The following AFDN variants were observed in gnomAD, a reference collection of about 807,000 sequenced individuals.
AFDN encodes the protein afadin.
Under a neutral mutation model 216.6 loss-of-function variants are expected in AFDN, and 68 were observed. The ratio of observed to expected loss-of-function variants is 0.31; its 90% CI spans 0.26 to 0.38. AFDN has a LOEUF of 0.38. AFDN is among the 10% of genes least tolerant of loss of function. The probability of loss-of-function intolerance (pLI) is 1.00; values close to 1 mark genes in which losing one functional copy is unlikely to be tolerated. For missense variants in AFDN, 2,136 were observed against 2,342.0 expected (o/e 0.91, Z 1.82); for synonymous variants, 868 against 853.7 (o/e 1.02, Z -0.29).
intron 1 of AFDN, among the ~76,000 whole-genome samples, chr6:167,840,430 A>G (rs992833638): frequency 6.6e-6 from 1 of 152,206 alleles, no homozygotes; most frequent in Non-Finnish European, 1.5e-5. Context: ...TCTGAGCAGA[A>G]GCTTGAAGTC....
intron 1 of AFDN, among the ~76,000 whole-genome samples, chr6:167,848,152 T>C (rs2128162467): frequency 6.6e-6 from 1 of 152,314 alleles, no homozygotes; most frequent in South Asian, 2.1e-4. Context: ...GGCAAGCTTT[T>C]TGAATACCTT....
intron 15 of AFDN, 111 bp from the exon 16 acceptor site, chr6:167,913,292 C>A (rs1790639243): frequency 3.9e-6 from 4 of 1,017,960 alleles, no homozygotes; most frequent in Admixed American, 4.1e-5. Context: ...AAATGTCGTA[C>A]CTTCATGTCG....
At chr6:167,881,794 G>A (rs1786147755) in intron 6 of AFDN, among the ~76,000 whole-genome samples, 1 of 152,170 alleles carries the variant, frequency 6.6e-6, no homozygotes, top group Non-Finnish European at 1.5e-5. Flanking sequence ...AGGATGAAGT[G>A]AAAGACTGTA....
At chr6:167,853,325 T>A (rs1583163442) in intron 1 of AFDN, among the ~76,000 whole-genome samples, 1 of 152,108 alleles carries the variant, frequency 6.6e-6, no homozygotes, top group African/African-American at 2.4e-5. Context: ...ATTGCCAGTA[T>A]TATTACTAAC....
At chr6:167,923,240 A>G in intron 22 of AFDN, 1 of 223,584 alleles carries the variant, frequency 4.5e-6, no homozygotes, top group Non-Finnish European at 8.6e-6. Context: ...ATTTTAAAAC[A>G]TATTAATATG....
chr6:167,916,954 G>C, intron 19 of AFDN, 135 bp from the exon 20 acceptor site: 1 of 751,640 alleles, frequency 1.3e-6, no homozygotes, highest in Non-Finnish European at 2.1e-6. Flanking sequence ...GTAAATGGAA[G>C]TCTGTTTCCT....
rs1301232048 is a variant in AFDN at position 167,856,935 on chromosome 6, CAT to C, written c.106-7613_106-7612del. On this transcript the variant is annotated intron_variant, in intron 1 of 33. Transcript: ENST00000683244. ...ATAAAATTGTATAGTTTTGTTGTCA[CAT>C]ATGATGGCATATATTTATATATCTT... Among the ~76,000 whole-genome samples the C allele has an allele frequency of 4.6e-5, 7 of 152,156 alleles. No individual in the cohort carries two copies. In the East Asian group the frequency reaches 1.4e-3, roughly 29 times the overall value.
chr6:167,907,249 A>G lies in AFDN; in HGVS notation c.1729A>G (p.Arg577Gly). ...AERGMVKPMI[R>G]VEQQPDYRRQ... Reference sequence around the variant, plus strand: ...GCGGGGAATGGTGAAGCCGATGATCAGAGTAGAACAGCAGCCAGATTATCG... The same window carrying G: ...GCGGGGAATGGTGAAGCCGATGATCGGAGTAGAACAGCAGCCAGATTATCG... Residue 577 changes from arginine to glycine, a missense_variant, in exon 13 of 34, where the codon AGA becomes GGA. This residue lies in a region of AFDN where 817 missense variants were observed against 965.7 expected (regional missense o/e 0.85). Coordinates refer to ENST00000683244, the MANE Select transcript of AFDN (RefSeq NM_001386888.1). The G allele has an allele frequency of 1.2e-6, 2 of 1,614,176 alleles. No homozygotes were observed. Among genetic ancestry groups the G allele is most frequent in the Non-Finnish European group, 1.7e-6 (2 of 1,179,986 alleles).
chr6:167,873,194 G>A (rs886281881), intron 4 of AFDN, among the ~76,000 whole-genome samples: 15 of 152,270 alleles, frequency 9.9e-5, no homozygotes, highest in African/African-American at 2.9e-4. Context: ...AAAGGGTGAA[G>A]AACGTAAAGA....
chr6:167,828,475 GAC>G (rs889717921), intron 1 of AFDN, among the ~76,000 whole-genome samples: 19 of 152,190 alleles, frequency 1.2e-4, no homozygotes, highest in African/African-American at 4.3e-4. Context: ...GTTGAATACT[GAC>G]ACACGCCATT....
At chr6:167,957,709 C>CT (rs1796660714) in intron 30 of AFDN, among the ~76,000 whole-genome samples, 1 of 152,204 alleles carries the variant, frequency 6.6e-6, no homozygotes. Context: ...GAACCTGTCT[C>CT]TAACTTGAGT....
chr6:167,871,018 A>C (rs1784727603), intron 3 of AFDN, among the ~76,000 whole-genome samples: 1 of 152,190 alleles, frequency 6.6e-6, no homozygotes, highest in Admixed American at 6.5e-5. Flanking sequence ...GTGCTAAATC[A>C]AGTGGCATCT....
At position 167,961,267 on chromosome 6, in the gene AFDN, AC is replaced by A. The variant is rs376783615; in HGVS notation, c.4834-1165del. Among the ~76,000 whole-genome samples, 21 of 152,376 alleles carry A rather than the reference AC, an allele frequency of 1.4e-4. No homozygotes were observed. The South Asian group carries it at 4.1e-3, about 30-fold the overall frequency. On this transcript the variant is annotated intron_variant, in intron 30 of 33. Coordinates refer to ENST00000683244, the MANE Select transcript of AFDN (RefSeq NM_001386888.1). ...CATTTTAATCCTATAAATATTGATTACTTCTTCATGACACATGATAATACAG... is the reference window on the plus strand; with the variant it reads ...CATTTTAATCCTATAAATATTGATTATTCTTCATGACACATGATAATACAG...
At chr6:167,899,114 G>A (rs559091238) in intron 11 of AFDN, among the ~76,000 whole-genome samples, 4 of 152,076 alleles carry the variant, frequency 2.6e-5, no homozygotes, top group Admixed American at 6.5e-5. Context: ...ATGAACCCGC[G>A]TGGTCTTCCC....
intron 1 of AFDN, among the ~76,000 whole-genome samples, chr6:167,833,802 T>G (rs1419487459): frequency 6.6e-6 from 1 of 152,206 alleles, no homozygotes; most frequent in Non-Finnish European, 1.5e-5. Context: ...ATCCACTGTT[T>G]TAAAAACATT....
At chr6:167,893,790 C>T (rs1441708123) in intron 8 of AFDN, 72 bp from the exon 9 acceptor site, 9 of 1,165,096 alleles carry the variant, frequency 7.7e-6, no homozygotes, top group South Asian at 3.9e-5. Flanking sequence ...TTCCCTATTC[C>T]GCGTGTTCTG....
At chr6:167,862,304 T>A (rs1053141118) in intron 1 of AFDN, among the ~76,000 whole-genome samples, 1 of 152,040 alleles carries the variant, frequency 6.6e-6, no homozygotes, top group Non-Finnish European at 1.5e-5. Context: ...GCGTGGCCTG[T>A]CATTAATATT....
chr6:167,971,214 T>TA lies in AFDN; in HGVS notation c.*1280dup, dbSNP rs1797997420. 4.6e-6 allele frequency: 1 copy of TA among 219,710 alleles called. No individual in the cohort carries two copies. Among genetic ancestry groups the TA allele is most frequent in the Non-Finnish European group, 9.1e-6 (1 of 109,754 alleles). The allele number at this position is 219,710 out of a possible 1,614,324, so 13.6% of individuals were successfully genotyped here. On this transcript the variant is annotated 3_prime_UTR_variant, in exon 34 of 34. Coordinates refer to ENST00000683244, the MANE Select transcript of AFDN (RefSeq NM_001386888.1). The stretch of plus-strand genomic sequence containing the variant: ...CTGTACCATATTGTTCTCTTACACA[T>TA]ACGTATGTTAGGAAAATAGGCACAC...
intron 1 of AFDN, among the ~76,000 whole-genome samples, chr6:167,840,633 G>A (rs1780958685): frequency 6.6e-6 from 1 of 152,212 alleles, no homozygotes; most frequent in South Asian, 2.1e-4. Context: ...TTGGGGCCAT[G>A]TGTTTTCATA....
Sources: allele counts gnomAD v4.1 joint callset (sites outside exome capture counted in the v4.1 genomes callset), GRCh38; gene constraint gnomAD v4.1.1; regional missense constraint gnomAD v4.1.1; transcripts MANE v1.5; gene names NCBI Gene and HGNC (gene_info 2026-07-23, HGNC 2026-07-21).